The following TBCEL variants were observed in gnomAD, a reference collection of about 807,000 sequenced individuals.
TBCEL encodes tubulin-specific chaperone cofactor E-like protein.
In TBCEL, 15 loss-of-function variants were observed where a neutral mutation model predicts 44.2. The observed-to-expected ratio is 0.34, with a 90% CI of 0.23 to 0.52. TBCEL has a LOEUF of 0.52. Among genes scored for constraint, TBCEL ranks in the 20% least tolerant of loss-of-function variants. TBCEL has a pLI of 0.95. For missense variants in TBCEL, 319 were observed against 506.3 expected (o/e 0.63, Z 3.55); for synonymous variants, 171 against 185.4 (o/e 0.92, Z 0.63).
intron 8 of TBCEL, among the ~76,000 whole-genome samples, chr11:121,064,671 T>C (rs940604246): frequency 1.3e-5 from 2 of 152,204 alleles, no homozygotes; most frequent in African/African-American, 4.8e-5. Context: ...TAAAGTGTTT[T>C]CAGATATATG....
intron 1 of TBCEL, among the ~76,000 whole-genome samples, chr11:121,028,336 A>G (rs1945082907): frequency 6.6e-6 from 1 of 152,252 alleles, no homozygotes; most frequent in Admixed American, 6.5e-5. Flanking sequence ...TGATTCTTCC[A>G]TACAGTAAAA....
intron 1 of TBCEL, among the ~76,000 whole-genome samples, chr11:121,030,992 T>C (rs189505393): frequency 2.0e-5 from 3 of 152,190 alleles, no homozygotes. Context: ...GAACTACCAA[T>C]TGTTAATTTC....
chr11:121,027,666 C>T (rs1043976588), intron 1 of TBCEL, among the ~76,000 whole-genome samples: 1 of 152,150 alleles, frequency 6.6e-6, no homozygotes, highest in African/African-American at 2.4e-5. Context: ...TCATGAAATC[C>T]TACTCACTCT....
chr11:121,047,785 GTTGTCTGTATATCTTA>G, intron 4 of TBCEL, 118 bp downstream of exon 4: 4 of 1,270,544 alleles, frequency 3.1e-6, no homozygotes, highest in South Asian at 2.9e-5. Context: ...ATGACTTCTT[GTTGTCTGTATATCTTA>G]TTGTCTGTAT....
At chr11:121,045,360 C>G (rs1360294714) in intron 2 of TBCEL, among the ~76,000 whole-genome samples, 1 of 152,150 alleles carries the variant, frequency 6.6e-6, no homozygotes. Flanking sequence ...TACTTATCCA[C>G]ATGAATCCTA....
chr11:121,065,002 A>AT (rs1196268549), intron 8 of TBCEL, among the ~76,000 whole-genome samples: 1 of 151,422 alleles, frequency 6.6e-6, no homozygotes, highest in Non-Finnish European at 1.5e-5. Context: ...ATTTTTTTGT[A>AT]TTTTTAGTGG....
chr11:121,043,463 A>G (rs1016369914), intron 2 of TBCEL, among the ~76,000 whole-genome samples: 1 of 152,176 alleles, frequency 6.6e-6, no homozygotes, highest in African/African-American at 2.4e-5. Context: ...CACTAATTGG[A>G]AGCAATTTGA....
intron 8 of TBCEL, among the ~76,000 whole-genome samples, chr11:121,084,473 A>G (rs141839922): frequency 1.0e-3 from 153 of 151,944 alleles, no homozygotes; most frequent in African/African-American, 3.0e-3. Flanking sequence ...TCTGTCTTTT[A>G]CTTATTATGT....
intron 1 of TBCEL, among the ~76,000 whole-genome samples, chr11:121,028,740 C>T (rs1048457450): frequency 2.0e-5 from 3 of 152,202 alleles, no homozygotes; most frequent in African/African-American, 7.2e-5. Flanking sequence ...CCAGATCAGT[C>T]ATTGTTAACA....
At chr11:121,086,701 TTATCTG>T (rs1946223424) in intron 8 of TBCEL, 71 bp from the exon 9 acceptor site, 1 of 1,057,646 alleles carries the variant, frequency 9.5e-7, no homozygotes, top group Non-Finnish European at 1.4e-6. Context: ...GTAATATTGT[TTATCTG>T]TAGTTGGGAA....
chr11:121,051,211 T>C lies in TBCEL; in HGVS notation c.274-2340T>C, dbSNP rs184401444. On this transcript the variant is annotated intron_variant, in intron 4 of 8. Transcript: ENST00000683345. ...CATTATTCTGAATATTAATTTTCACTGTACAGTAATGCTGATGCAGACCAT... is the reference window on the plus strand; with the variant it reads ...CATTATTCTGAATATTAATTTTCACCGTACAGTAATGCTGATGCAGACCAT... Among the ~76,000 whole-genome samples, 398 of 151,920 alleles carry C rather than the reference T, an allele frequency of 2.6e-3. 3 individuals are homozygous for C. Among genetic ancestry groups the C allele is most frequent in the Non-Finnish European group, 2.9e-3 (198 of 67,790 alleles).
At chr11:121,053,773 A>G (rs760265967) in intron 5 of TBCEL, 41 bp downstream of exon 5, 1 of 1,599,836 alleles carries the variant, frequency 6.3e-7, no homozygotes, top group South Asian at 1.1e-5. Context: ...TTATGTTGCC[A>G]TCTGTGTTAG....
chr11:121,080,310 T>C (rs990107729), intron 8 of TBCEL, among the ~76,000 whole-genome samples: 1 of 152,236 alleles, frequency 6.6e-6, no homozygotes, highest in Non-Finnish European at 1.5e-5. Context: ...TCAGGAATGA[T>C]AGATTAACAG....
intron 8 of TBCEL, among the ~76,000 whole-genome samples, chr11:121,066,121 G>T (rs1945816009): frequency 6.6e-6 from 1 of 152,164 alleles, no homozygotes; most frequent in Non-Finnish European, 1.5e-5. Flanking sequence ...TGGGAAGCAG[G>T]GTACAGCCAA....
intron 4 of TBCEL, among the ~76,000 whole-genome samples, chr11:121,048,827 C>A (rs1396516865): frequency 2.0e-5 from 3 of 151,814 alleles, no homozygotes; most frequent in African/African-American, 7.3e-5. Flanking sequence ...AAATAAAAAG[C>A]TTCCTTGCTT....
In TBCEL at chr11:121,086,973, T is replaced by C. The variant is rs935921969; in HGVS notation, c.1152T>C (p.Leu384=). ...TLVQLPTSNM[L]LYYFDHEAPF... ...TACAATTACCCACAAGCAACATGCTTCTCTACTATTTTGACCATGAAGCAC... is the reference window on the plus strand; with the variant it reads ...TACAATTACCCACAAGCAACATGCTCCTCTACTATTTTGACCATGAAGCAC... The change falls in exon 9 of 9, where the codon CTT becomes CTC. Residue 384 remains leucine, a synonymous_variant. Coordinates refer to ENST00000683345, the MANE Select transcript of TBCEL (RefSeq NM_001363644.2). The C allele has an allele frequency of 1.2e-6, 2 of 1,613,940 alleles. No homozygotes were observed. Among genetic ancestry groups the C allele is most frequent in the Admixed American group, 1.7e-5 (1 of 59,998 alleles).
chr11:121,058,498 A>T (rs759980233), intron 7 of TBCEL, 27 bp downstream of exon 7: 1 of 1,609,172 alleles, frequency 6.2e-7, no homozygotes, highest in Non-Finnish European at 8.5e-7. Context: ...GTTTTGCTTT[A>T]TTTTTGTGAG....
intron 4 of TBCEL, among the ~76,000 whole-genome samples, chr11:121,048,108 A>G (rs969944974): frequency 3.3e-5 from 5 of 151,916 alleles, no homozygotes; most frequent in African/African-American, 1.2e-4. Flanking sequence ...AGTCTTTGTC[A>G]GCTTAAACTG....
At chr11:121,060,570 G>A (rs1393673763) in intron 8 of TBCEL, among the ~76,000 whole-genome samples, 1 of 151,962 alleles carries the variant, frequency 6.6e-6, no homozygotes, top group East Asian at 1.9e-4. Flanking sequence ...TTAGTATGGT[G>A]AATATAAAGA....
Sources: allele counts gnomAD v4.1 joint callset (sites outside exome capture counted in the v4.1 genomes callset), GRCh38; gene constraint gnomAD v4.1.1; transcripts MANE v1.5; gene names NCBI Gene and HGNC (gene_info 2026-07-23, HGNC 2026-07-21).